The following IGSF9B variants were observed in gnomAD, a reference collection of about 807,000 sequenced individuals.
IGSF9B encodes the protein immunoglobulin superfamily member 9B.
In IGSF9B, 48 loss-of-function variants were observed where a neutral mutation model predicts 143.7. The observed-to-expected ratio is 0.33, with a 90% CI of 0.26 to 0.42. The LOEUF is 0.42. Among genes scored for constraint, IGSF9B ranks in the 20% least tolerant of loss-of-function variants. The pLI is 1.00. For missense variants in IGSF9B, 1,706 were observed against 1,980.0 expected (o/e 0.86, Z 2.63); for synonymous variants, 903 against 833.1 (o/e 1.08, Z -1.44).
At chr11:133,912,779 G>C (rs1029612403) in intron 18 of IGSF9B, among the ~76,000 whole-genome samples, 9 of 152,158 alleles carry the variant, frequency 5.9e-5, no homozygotes, top group African/African-American at 1.7e-4. Flanking sequence ...TTTAGGATTC[G>C]ACAGAGAAAC....
At position 133,928,907 on chromosome 11, in the gene IGSF9B, C is replaced by T. The variant is rs1939675893; in HGVS notation, c.1631+764G>A. Reference sequence around the variant, plus strand: ...CCTAGAGAGAAAATGCAGGGGCTGACCCCAAGGCTGGGAAGTGAGCATCAC... The same window carrying T: ...CCTAGAGAGAAAATGCAGGGGCTGATCCCAAGGCTGGGAAGTGAGCATCAC... On this transcript the variant is annotated intron_variant, in intron 12 of 19. Transcript: ENST00000533871. The surrounding 1 kb of genome is among the most constrained non-coding windows in gnomAD (Gnocchi z 4.7). Among the ~76,000 whole-genome samples the T allele has an allele frequency of 2.0e-5, 3 of 152,214 alleles. No homozygotes were observed. In the South Asian group the frequency reaches 6.2e-4, roughly 31 times the overall value.
rs769274848 is a variant in IGSF9B at position 133,946,122 on chromosome 11, G to A, written c.201C>T (p.Val67=). 1.9e-6 allele frequency: 3 copies of A among 1,610,624 alleles called. No homozygotes were observed. The highest frequency in any genetic ancestry group is 2.5e-6 in the Non-Finnish European group (3 of 1,178,572). ...PYVVEWFKFG[V]PIPIFIKFGY... is the part of the protein sequence containing the mutation. ...CAAACTTGATGAAGATAGGGATGGG[G>A]ACCCCGAACTTGAACCACTCTACGA... is the stretch of plus-strand genomic sequence containing the variant. Residue 67 remains valine (V), a synonymous_variant, in exon 2 of 20, where the codon GTC becomes GTT. Coordinates refer to ENST00000533871, the MANE Select transcript of IGSF9B (RefSeq NM_001277285.4).
At chr11:133,922,766 C>T in intron 15 of IGSF9B, 36 bp from the exon 16 acceptor site, 1 of 1,523,772 alleles carries the variant, frequency 6.6e-7, no homozygotes, top group Non-Finnish European at 8.8e-7. Flanking sequence ...TGAGCCCATC[C>T]TTCCCCGGGA....
At chr11:133,916,343 G>C (rs939097648) in intron 18 of IGSF9B, among the ~76,000 whole-genome samples, 1 of 152,198 alleles carries the variant, frequency 6.6e-6, no homozygotes, top group Admixed American at 6.5e-5. Context: ...AGGAACTGAA[G>C]GGAAAAGAAA....
rs928649714 is a variant in IGSF9B at position 133,897,938 on chromosome 11, A to C, written c.*11131T>G. 6.6e-6 allele frequency: 1 copy of C among 152,152 alleles called. No individual in the cohort carries two copies. Among genetic ancestry groups the C allele is most frequent in the African/African-American group, 2.4e-5 (1 of 41,434 alleles). The allele number at this position is 152,152 out of a possible 1,614,324, so 9.4% of individuals were successfully genotyped here. The stretch of plus-strand genomic sequence containing the variant: ...ACATACATACAGAAAAGAAAGAGAG[A>C]GAGAGGGAGAACACAAAAGCCGCCC... On this transcript the variant is annotated 3_prime_UTR_variant, in exon 20 of 20. Coordinates refer to ENST00000533871, the MANE Select transcript of IGSF9B (RefSeq NM_001277285.4).
At chr11:133,933,517 G>A (rs1939771032) in intron 7 of IGSF9B, among the ~76,000 whole-genome samples, 1 of 152,204 alleles carries the variant, frequency 6.6e-6, no homozygotes, top group South Asian at 2.1e-4. Context: ...AGGCTGGGGT[G>A]GGAGGACTGC....
At chr11:133,934,128 T>C (rs1229810083) in intron 7 of IGSF9B, among the ~76,000 whole-genome samples, 1 of 151,442 alleles carries the variant, frequency 6.6e-6, no homozygotes, top group Non-Finnish European at 1.5e-5. Context: ...AGGAAGGAGG[T>C]AAAAAAGGAC....
At position 133,920,061 on chromosome 11, in the gene IGSF9B, C is replaced by A; in HGVS notation, c.3664G>T (p.Ala1222Ser). ...TGCAGGAGGCCCGGGCGAGGCCGGG[C>A]ACGGGCGGCGAGCTCAGGGGAGCCG... Reference protein sequence around the residue: ...RTGSPELAARARPRPGLLQQA... With the variant: ...RTGSPELAARSRPRPGLLQQA... The change falls in exon 18 of 20, where the codon GCC becomes TCC. Residue 1222 changes from alanine (A) to serine (S), a missense_variant. Physicochemically the swap from Ala to Ser is moderately conservative, Grantham distance 99. This residue lies in a region of IGSF9B where 880 missense variants were observed against 762.9 expected (regional missense o/e 1.15). Transcript: ENST00000533871. 6.5e-7 allele frequency: 1 copy of A among 1,545,740 alleles called. No individual in the cohort carries two copies. The highest frequency in any genetic ancestry group is 1.2e-5 in the South Asian group (1 of 81,030).
rs1591704914 is a variant in IGSF9B at position 133,905,259 on chromosome 11, A to G, written c.*3810T>C. ...TCCCCCACCCCACCCCCAAGCCTGG[A>G]AAAGGCTTTTGCTAACAAAATAGGA... On this transcript the variant is annotated 3_prime_UTR_variant, in exon 20 of 20. Coordinates refer to ENST00000533871, the MANE Select transcript of IGSF9B (RefSeq NM_001277285.4). The surrounding 1 kb of genome is among the most constrained non-coding windows in gnomAD (Gnocchi z 4.0). Among the ~76,000 whole-genome samples the G allele has an allele frequency of 6.6e-6, 1 of 150,942 alleles. No homozygotes were observed. The highest frequency in any genetic ancestry group is 1.5e-5 in the Non-Finnish European group (1 of 67,818).
chr11:133,956,602 G>A (rs1265028435), intron 1 of IGSF9B, 89 bp downstream of exon 1: 2 of 880,688 alleles, frequency 2.3e-6, no homozygotes, highest in East Asian at 6.6e-5. Context: ...GGGAACCGGG[G>A]GGCCAAGGAG....
At chr11:133,930,224 T>G (rs547268816) in intron 11 of IGSF9B, among the ~76,000 whole-genome samples, 1 of 152,230 alleles carries the variant, frequency 6.6e-6, no homozygotes, top group South Asian at 2.1e-4. Context: ...GCACAGCAGT[T>G]AGGAGCCCCA....
chr11:133,948,617 CTGTGTGTGTGTGTGTG>C lies in IGSF9B; in HGVS notation c.65-2375_65-2360del, dbSNP rs59414581. On this transcript the variant is annotated intron_variant, in intron 1 of 19. Transcript: ENST00000533871. The surrounding 1 kb of genome is among the most constrained non-coding windows in gnomAD (Gnocchi z 4.7). ...TGGGTGCCATGAGTTTGCAGAGAAG[CTGTGTGTGTGTGTGTG>C]TGTGTGTGTGTGTGTGTGTGTGTGT... Among the ~76,000 whole-genome samples the C allele has an allele frequency of 2.8e-4, 39 of 140,998 alleles. No homozygotes were observed. Among genetic ancestry groups the C allele is most frequent in the East Asian group, 6.6e-4 (3 of 4,530 alleles). The allele number at this position is 140,998 out of a possible 152,430, so 92.5% of individuals were successfully genotyped here.
At chr11:133,940,465 C>T (rs552232057) in intron 3 of IGSF9B, among the ~76,000 whole-genome samples, 5 of 148,338 alleles carry the variant, frequency 3.4e-5, no homozygotes, top group Admixed American at 6.7e-5. Flanking sequence ...CGCACGTCCT[C>T]GCACGCGTCA....
chr11:133,927,691 A>C (rs1435785116), intron 12 of IGSF9B, among the ~76,000 whole-genome samples: 1 of 152,198 alleles, frequency 6.6e-6, no homozygotes, highest in Non-Finnish European at 1.5e-5. Flanking sequence ...CATGGAGAGT[A>C]GGAAGACGGG....
At position 133,898,907 on chromosome 11, in the gene IGSF9B, T is replaced by G. The variant is rs961802928; in HGVS notation, c.*10162A>C. The G allele has an allele frequency of 3.9e-5, 6 of 152,194 alleles. No individual in the cohort carries two copies. Among genetic ancestry groups the G allele is most frequent in the Non-Finnish European group, 7.3e-5 (5 of 68,124 alleles). 9.4% of individuals were successfully genotyped at this position (152,194 alleles called of 1,614,324 possible). A position where few individuals can be genotyped will look rare whatever the true frequency, so the allele number is the denominator to read the frequency against. ...CCCAAAGTGGATCACCATGAACATC[T>G]ACCGCCAAGAAGAGTGGAAGCGGGA... On this transcript the variant is annotated 3_prime_UTR_variant, in exon 20 of 20. Coordinates refer to ENST00000533871, the MANE Select transcript of IGSF9B (RefSeq NM_001277285.4).
rs1287453000 is a variant in IGSF9B, at chr11:133,903,218, T to C, written c.*5851A>G. On this transcript the variant is annotated 3_prime_UTR_variant, in exon 20 of 20. Transcript: ENST00000533871. The stretch of plus-strand genomic sequence containing the variant: ...ATCCAGTGCCACAGAGAGGTAGGAT[T>C]GGTGGAGCACACTTCTTCAAGACCC... Among the ~76,000 whole-genome samples the C allele has an allele frequency of 6.6e-6, 1 of 151,794 alleles. No individual in the cohort carries two copies. Among genetic ancestry groups the C allele is most frequent in the Non-Finnish European group, 1.5e-5 (1 of 67,970 alleles).
chr11:133,910,222 C>G (rs545259801), intron 19 of IGSF9B, among the ~76,000 whole-genome samples: 1 of 152,132 alleles, frequency 6.6e-6, no homozygotes, highest in Admixed American at 6.5e-5. Context: ...CACGCCTGCA[C>G]GTGTGTGTTC....
Position 133,956,909 on chromosome 11 carries a change from C to T in IGSF9B, c.-155G>A. Reference sequence around the variant, plus strand: ...CCCGGGTGGCCAGCTCTCCATCCCTCCTAGGCTCCGCTCGGCTCGGCGCGC... The same window carrying T: ...CCCGGGTGGCCAGCTCTCCATCCCTTCTAGGCTCCGCTCGGCTCGGCGCGC... On this transcript the variant is annotated 5_prime_UTR_variant, in exon 1 of 20. Coordinates refer to ENST00000533871, the MANE Select transcript of IGSF9B (RefSeq NM_001277285.4). 2.5e-6 allele frequency: 1 copy of T among 402,908 alleles called. No homozygotes were observed. The highest frequency in any genetic ancestry group is 4.4e-6 in the Non-Finnish European group (1 of 226,450). 25.0% of individuals were successfully genotyped at this position (402,908 alleles called of 1,614,324 possible).
At position 133,956,881 on chromosome 11, in the gene IGSF9B, C is replaced by A. The variant is rs897195533; in HGVS notation, c.-127G>T. On this transcript the variant is annotated 5_prime_UTR_variant, in exon 1 of 20. Transcript: ENST00000533871. ...CCTACGCCCCGCGCCGGTGCTCCTGCAGCCCGGGTGGCCAGCTCTCCATCC... is the reference window on the plus strand; with the variant it reads ...CCTACGCCCCGCGCCGGTGCTCCTGAAGCCCGGGTGGCCAGCTCTCCATCC... 19 of 474,198 alleles carry A rather than the reference C, an allele frequency of 4.0e-5. No individual in the cohort carries two copies. Among genetic ancestry groups the A allele is most frequent in the Non-Finnish European group, 6.3e-5 (18 of 287,098 alleles). The allele number at this position is 474,198 out of a possible 1,614,324, so 29.4% of individuals were successfully genotyped here. A position where few individuals can be genotyped will look rare whatever the true frequency, so the allele number is the denominator to read the frequency against.
Sources: allele counts gnomAD v4.1 joint callset (sites outside exome capture counted in the v4.1 genomes callset), GRCh38; gene constraint gnomAD v4.1.1; regional missense constraint gnomAD v4.1.1; non-coding constraint Gnocchi (gnomAD v3.1); transcripts MANE v1.5; gene names NCBI Gene and HGNC (gene_info 2026-07-23, HGNC 2026-07-21).